The following SMARCA2 variants were observed in gnomAD, a reference collection of about 807,000 sequenced individuals.
The protein encoded by SMARCA2 is SWI/SNF related BAF chromatin remodeling complex subunit ATPase 2.
A neutral mutation model predicts 199.8 loss-of-function variants in SMARCA2; 61 were observed. That is an observed-to-expected ratio of 0.31 (90% CI 0.25 to 0.38). SMARCA2 has a LOEUF of 0.38. Ranked by LOEUF, SMARCA2 falls within the 10% of genes least tolerant of loss-of-function variation. The pLI is 1.00. For synonymous variants in SMARCA2, 935 were observed against 732.0 expected (o/e 1.28, Z -4.48); for missense variants, 1,344 against 2,012.2 (o/e 0.67, Z 6.35).
At chr9:2,147,273 G>T (rs909738953) in intron 27 of SMARCA2, among the ~76,000 whole-genome samples, 15 of 143,898 alleles carry the variant, frequency 1.0e-4, no homozygotes, top group African/African-American at 3.3e-4. Flanking sequence ...AAGGTACTAT[G>T]ACCTTCTTTA....
intron 3 of SMARCA2, 131 bp downstream of exon 3, chr9:2,033,212 A>C (rs1256708271): frequency 1.0e-6 from 1 of 960,864 alleles, no homozygotes; most frequent in Non-Finnish European, 1.5e-6. Context: ...TCTTTTCCTT[A>C]TGGAAATCTA....
intron 13 of SMARCA2, among the ~76,000 whole-genome samples, chr9:2,076,629 C>A (rs900386527): frequency 6.6e-6 from 1 of 151,988 alleles, no homozygotes; most frequent in African/African-American, 2.4e-5. Flanking sequence ...TCACACCTGT[C>A]GTCTGCACCT....
At chr9:2,063,722 G>A (rs115927766) in intron 9 of SMARCA2, among the ~76,000 whole-genome samples, 2,609 of 132,438 alleles carry the variant, frequency 0.02, 77 homozygotes, top group African/African-American at 0.07. Flanking sequence ...TTTATTTTCA[G>A]CGTTAAACTA....
At chr9:2,050,198 A>G (rs971949678) in intron 5 of SMARCA2, among the ~76,000 whole-genome samples, 1 of 152,208 alleles carries the variant, frequency 6.6e-6, no homozygotes, top group African/African-American at 2.4e-5. Flanking sequence ...GCAGCTCTGT[A>G]CAAGCTCTCT....
At chr9:2,171,242 T>C (rs530627058) in intron 29 of SMARCA2, among the ~76,000 whole-genome samples, 54 of 152,186 alleles carry the variant, frequency 3.5e-4, no homozygotes, top group Non-Finnish European at 6.6e-4. Flanking sequence ...GGTCAACCTG[T>C]ACTTAAAAAA....
intron 9 of SMARCA2, among the ~76,000 whole-genome samples, chr9:2,062,096 C>T (rs141311792): frequency 2.0e-5 from 3 of 151,800 alleles, no homozygotes; most frequent in East Asian, 3.9e-4. Context: ...GGAACATATA[C>T]GTAAGGGGGG....
At chr9:2,023,917 A>G (rs1245415868) in intron 1 of SMARCA2, among the ~76,000 whole-genome samples, 3 of 152,212 alleles carry the variant, frequency 2.0e-5, no homozygotes, top group Non-Finnish European at 2.9e-5. Context: ...CTATCTCCTG[A>G]ACCTTGCAGT....
intron 28 of SMARCA2, among the ~76,000 whole-genome samples, chr9:2,168,809 T>C (rs1826075647): frequency 6.6e-6 from 1 of 152,352 alleles, no homozygotes; most frequent in East Asian, 1.9e-4. Flanking sequence ...ATGGACTCCT[T>C]ATCAGAATGA....
In SMARCA2 at chr9:2,119,451, AC is replaced by A. The variant is rs1379947141; in HGVS notation, c.3685-3del. On this transcript the variant is annotated splice_polypyrimidine_tract_variant and splice_region_variant and intron_variant, in intron 25 of 33. Transcript: ENST00000349721. This position sits in a 1 kb window ranked among gnomAD's most constrained non-coding sequence, Gnocchi z 4.6. The stretch of plus-strand genomic sequence containing the variant: ...ACTGGTTAAAATCACTCTGTTTTTA[AC>A]CCCAGGAAGAAGATGAAGTACCGGA... 13 of 1,606,416 alleles carry A rather than the reference AC, an allele frequency of 8.1e-6. No individual in the cohort carries two copies. Among genetic ancestry groups the A allele is most frequent in the Non-Finnish European group, 9.4e-6 (11 of 1,173,406 alleles).
At chr9:2,165,599 T>G (rs1043699087) in intron 28 of SMARCA2, among the ~76,000 whole-genome samples, 3 of 152,230 alleles carry the variant, frequency 2.0e-5, no homozygotes, top group Non-Finnish European at 2.9e-5. Context: ...TGTTTTGACT[T>G]GTTAAGCATG....
intron 19 of SMARCA2, among the ~76,000 whole-genome samples, chr9:2,091,441 TCAATA>T (rs1822059335): frequency 6.6e-6 from 1 of 152,254 alleles, no homozygotes; most frequent in Non-Finnish European, 1.5e-5. Context: ...GTTGCATGTA[TCAATA>T]GTTGGTTCAT....
intron 28 of SMARCA2, chr9:2,162,931 T>C (rs950227317): frequency 6.6e-6 from 1 of 152,228 alleles, no homozygotes; most frequent in African/African-American, 2.4e-5. Context: ...CACTTGGTCT[T>C]AGCCAAAAGG....
At chr9:2,151,489 T>C (rs1251819560) in intron 27 of SMARCA2, among the ~76,000 whole-genome samples, 1 of 151,568 alleles carries the variant, frequency 6.6e-6, no homozygotes, top group Non-Finnish European at 1.5e-5. Flanking sequence ...CCCAACACTT[T>C]GGGAGGATGA....
chr9:2,092,565 A>G (rs1822104327), intron 19 of SMARCA2, among the ~76,000 whole-genome samples: 1 of 152,222 alleles, frequency 6.6e-6, no homozygotes, highest in Admixed American at 6.5e-5. Context: ...GAAGAATAGT[A>G]TTCAGGCAGA....
intron 5 of SMARCA2, among the ~76,000 whole-genome samples, chr9:2,051,954 G>A (rs1820137289): frequency 6.6e-6 from 1 of 152,154 alleles, no homozygotes; most frequent in Admixed American, 6.5e-5. Flanking sequence ...TAGAAAATGA[G>A]TAAATGAAGT....
In SMARCA2 at chr9:2,191,421, G is replaced by A. The variant is rs149380449; in HGVS notation, c.4737+13G>A. 7.5e-4 allele frequency: 1,210 copies of A among 1,613,628 alleles called. 3 individuals are homozygous for A. The highest frequency in any genetic ancestry group is 1.9e-3 in the Admixed American group (117 of 60,016). On this transcript the variant is annotated intron_variant, in intron 33 of 33. Transcript: ENST00000349721. ...GCAGGATGAACGTGTAAGTGTAGCC[G>A]ACTGGGACTGAAGGCGGAGACGCCC...
At chr9:2,052,610 C>G (rs1258713218) in intron 5 of SMARCA2, among the ~76,000 whole-genome samples, 1 of 152,176 alleles carries the variant, frequency 6.6e-6, no homozygotes, top group South Asian at 2.1e-4. Flanking sequence ...GTCTTAGATA[C>G]TATTTTTAGT....
chr9:2,091,524 A>C (rs1447538184), intron 19 of SMARCA2, among the ~76,000 whole-genome samples: 1 of 152,012 alleles, frequency 6.6e-6, no homozygotes, highest in African/African-American at 2.4e-5. Flanking sequence ...GGTCATTTCT[A>C]GTTTTTGACA....
rs1024822796 is a variant in SMARCA2, at chr9:2,017,901, C to A, written c.-37+2497C>A. Reference sequence around the variant, plus strand: ...TCCCGGCTCGCCTTTCCTGCAAAGTCAGGCAGGCGGGGGAAATGGGCTCCT... The same window carrying A: ...TCCCGGCTCGCCTTTCCTGCAAAGTAAGGCAGGCGGGGGAAATGGGCTCCT... On this transcript the variant is annotated intron_variant, in intron 1 of 33. Transcript: ENST00000349721. This position sits in a 1 kb window ranked among gnomAD's most constrained non-coding sequence, Gnocchi z 8.8. 5 of 152,334 alleles carry A rather than the reference C, an allele frequency of 3.3e-5. No homozygotes were observed. The highest frequency in any genetic ancestry group is 7.3e-5 in the Non-Finnish European group (5 of 68,110). The allele number at this position is 152,334 out of a possible 1,614,324, so 9.4% of individuals were successfully genotyped here.
Sources: allele counts gnomAD v4.1 joint callset (sites outside exome capture counted in the v4.1 genomes callset), GRCh38; gene constraint gnomAD v4.1.1; non-coding constraint Gnocchi (gnomAD v3.1); transcripts MANE v1.5; gene names NCBI Gene and HGNC (gene_info 2026-07-23, HGNC 2026-07-21).